The following SNTB1 variants were observed in gnomAD, a reference collection of about 807,000 sequenced individuals.
SNTB1 encodes the protein syntrophin beta 1, also known as beta-1-syntrophin.
A neutral mutation model predicts 48.9 loss-of-function variants in SNTB1; 36 were observed. The ratio of observed to expected loss-of-function variants is 0.74; its 90% CI spans 0.56 to 0.97. The LOEUF (loss-of-function observed/expected upper bound fraction) is 0.97, where lower values mean the gene tolerates loss of function less well. SNTB1 is among the 50% of genes least tolerant of loss of function. SNTB1 has a pLI of 0.00. For missense variants in SNTB1, 786 were observed against 703.4 expected, an observed-to-expected ratio of 1.12 and a Z score of -1.33; for synonymous variants, 299 against 294.6, an observed-to-expected ratio of 1.01 and a Z score of -0.15.
At chr8:120,590,283 C>T (rs1816218439) in intron 3 of SNTB1, among the ~76,000 whole-genome samples, 1 of 152,168 alleles carries the variant, frequency 6.6e-6, no homozygotes, top group African/African-American at 2.4e-5. Context: ...TCCCTTTTGC[C>T]ATGAATGATA....
intron 2 of SNTB1, among the ~76,000 whole-genome samples, chr8:120,650,751 A>G (rs1817399677): frequency 6.6e-6 from 1 of 152,232 alleles, no homozygotes; most frequent in African/African-American, 2.4e-5. Flanking sequence ...AGTGTAATGC[A>G]TGTTCCAGAA....
intron 1 of SNTB1, among the ~76,000 whole-genome samples, chr8:120,727,429 T>C (rs779057732): frequency 1.3e-5 from 2 of 152,202 alleles, no homozygotes; most frequent in Admixed American, 1.3e-4. Context: ...AGTCATCTTA[T>C]GTTTCTCTTC....
intron 1 of SNTB1, among the ~76,000 whole-genome samples, chr8:120,753,963 A>G (rs1387327166): frequency 2.6e-5 from 4 of 152,212 alleles, no homozygotes; most frequent in Middle Eastern, 3.2e-3. Context: ...AGATACATTC[A>G]TTCTAATTTG....
chr8:120,776,932 C>G (rs938962754), intron 1 of SNTB1: 1 of 152,178 alleles, frequency 6.6e-6, no homozygotes, highest in Non-Finnish European at 1.5e-5. Context: ...GGCCAGAACC[C>G]AAAAAATCAC....
At chr8:120,681,981 G>A (rs79830055) in intron 2 of SNTB1, among the ~76,000 whole-genome samples, 6,841 of 151,306 alleles carry the variant, frequency 0.045, 497 homozygotes, top group African/African-American at 0.15. Flanking sequence ...AAGAATTAAC[G>A]GAAAATATGA....
At chr8:120,747,126 T>C (rs1018592499) in intron 1 of SNTB1, among the ~76,000 whole-genome samples, 4 of 152,174 alleles carry the variant, frequency 2.6e-5, no homozygotes, top group African/African-American at 9.7e-5. Context: ...GTCTTATTTA[T>C]TATTTTTGTT....
chr8:120,728,296 G>A (rs543422940), intron 1 of SNTB1, among the ~76,000 whole-genome samples: 19 of 152,196 alleles, frequency 1.2e-4, no homozygotes, highest in African/African-American at 4.3e-4. Context: ...GTCCGGCTGT[G>A]AAGTATTTTT....
At position 120,611,822 on chromosome 8, in the gene SNTB1, G is replaced by GAAAA. The variant is rs397892337; in HGVS notation, c.996+20618_996+20621dup. ...GGGTGACAGAGCGAGACTCTGTCTC[G>GAAAA]AAAAAAAAAAAAAAAAAAAAAAAGG... On this transcript the variant is annotated intron_variant, in intron 3 of 6. Transcript: ENST00000517992. Among the ~76,000 whole-genome samples the GAAAA allele has an allele frequency of 1.2e-4, 7 of 58,448 alleles. 1 individual carries two copies. Among genetic ancestry groups the GAAAA allele is most frequent in the African/African-American group, 2.9e-4 (4 of 13,962 alleles). 38.3% of individuals were successfully genotyped at this position (58,448 alleles called of 152,430 possible). A position where few individuals can be genotyped will look rare whatever the true frequency, so the allele number is the denominator to read the frequency against.
intron 3 of SNTB1, among the ~76,000 whole-genome samples, chr8:120,581,442 A>G (rs1171225643): frequency 6.6e-6 from 1 of 151,880 alleles, no homozygotes; most frequent in Non-Finnish European, 1.5e-5. Context: ...CGTCTCTACT[A>G]AAAATACAAA....
chr8:120,618,645 T>C (rs1816750948), intron 3 of SNTB1, among the ~76,000 whole-genome samples: 2 of 152,216 alleles, frequency 1.3e-5, no homozygotes. Flanking sequence ...TGATTATTTA[T>C]AAGCAAAAAG....
chr8:120,686,952 C>T (rs1818045403), intron 2 of SNTB1, among the ~76,000 whole-genome samples: 1 of 152,066 alleles, frequency 6.6e-6, no homozygotes, highest in Admixed American at 6.5e-5. Context: ...TCAGAAAATA[C>T]ATATTTTGTG....
Position 120,690,111 on chromosome 8 carries a change from A to G in SNTB1, c.788+3581T>C, listed in dbSNP as rs557329728. On this transcript the variant is annotated intron_variant, in intron 2 of 6. Transcript: ENST00000517992. ...ATAAAATATTTTGAGAGACAGAGAG[A>G]CCATATTCATATAACTTTTATTACA... 5.3e-5 allele frequency among the ~76,000 whole-genome samples: 8 copies of G among 152,106 alleles called. No individual in the cohort carries two copies. The South Asian group carries it at 1.7e-3, about 32-fold the overall frequency.
chr8:120,793,889 A>G (rs1289289129), intron 1 of SNTB1, among the ~76,000 whole-genome samples: 1 of 152,082 alleles, frequency 6.6e-6, no homozygotes, highest in Non-Finnish European at 1.5e-5. Flanking sequence ...AAGCATATGA[A>G]AGAACTTTTA....
chr8:120,751,458 TA>T (rs1285901442), intron 1 of SNTB1, among the ~76,000 whole-genome samples: 1 of 149,752 alleles, frequency 6.7e-6, no homozygotes, highest in Non-Finnish European at 1.5e-5. Context: ...CCATACGAAT[TA>T]AATCTTAAAG....
intron 2 of SNTB1, among the ~76,000 whole-genome samples, chr8:120,688,305 A>G (rs986004307): frequency 2.0e-5 from 3 of 152,150 alleles, no homozygotes; most frequent in African/African-American, 7.2e-5. Context: ...TAAGCTTCCT[A>G]TGTCTGTCAG....
At chr8:120,681,530 G>T (rs1306481421) in intron 2 of SNTB1, among the ~76,000 whole-genome samples, 2 of 152,282 alleles carry the variant, frequency 1.3e-5, no homozygotes, top group East Asian at 3.9e-4. Context: ...GCCCTGAAAA[G>T]AGGGCCCTAA....
Position 120,811,424 on chromosome 8 carries a change from G to T in SNTB1, c.420C>A (p.Ser140Arg). The T allele has an allele frequency of 6.2e-7, 1 of 1,614,006 alleles. No homozygotes were observed. Among genetic ancestry groups the T allele is most frequent in the Non-Finnish European group, 8.5e-7 (1 of 1,179,924 alleles). ...CCGCCGCCAGCCCCTTGAAGATCTT[G>T]CTGATGAGGATGGGCATCTTGTTCT... ...GKENKMPILI[S>R]KIFKGLAADQ... The change falls in exon 1 of 7, where the codon AGC becomes AGA. Residue 140 changes from serine (S) to arginine (R), a missense_variant. Transcript: ENST00000517992.
At chr8:120,675,350 A>T (rs1295038765) in intron 2 of SNTB1, among the ~76,000 whole-genome samples, 2 of 152,252 alleles carry the variant, frequency 1.3e-5, no homozygotes, top group African/African-American at 4.8e-5. Context: ...CATTTACATG[A>T]TGATCCTATT....
intron 3 of SNTB1, among the ~76,000 whole-genome samples, chr8:120,617,881 C>T (rs952016158): frequency 8.5e-5 from 13 of 152,068 alleles, no homozygotes; most frequent in African/African-American, 2.7e-4. Context: ...CCTTTGAAGG[C>T]GATTCCAAAG....
Sources: allele counts gnomAD v4.1 joint callset (sites outside exome capture counted in the v4.1 genomes callset), GRCh38; gene constraint gnomAD v4.1.1; transcripts MANE v1.5; gene names NCBI Gene and HGNC (gene_info 2026-07-23, HGNC 2026-07-21).